Variants in TIMP2 observed in about 807,000 individuals in gnomAD.
TIMP2 encodes TIMP metallopeptidase inhibitor 2, also known as metalloproteinase inhibitor 2.
Under a neutral mutation model 24.3 loss-of-function variants are expected in TIMP2, and 5 were observed. The observed-to-expected ratio is 0.21, with a 90% CI of 0.11 to 0.43. The LOEUF (loss-of-function observed/expected upper bound fraction) is 0.43. TIMP2 is among the 20% of genes least tolerant of loss of function. The pLI is 1.00. For missense variants in TIMP2, 221 were observed against 297.5 expected, an observed-to-expected ratio of 0.74 and a Z score of 1.89; for synonymous variants, 130 against 123.2, an observed-to-expected ratio of 1.06 and a Z score of -0.37.
chr17:78,906,990 T>C (rs992094403), intron 1 of TIMP2, among the ~76,000 whole-genome samples: 4 of 152,212 alleles, frequency 2.6e-5, no homozygotes, highest in Admixed American at 2.6e-4. Flanking sequence ...GCTGTCAGCC[T>C]ACCTTGGCTT....
At chr17:78,890,721 G>T (rs1329098277) in intron 1 of TIMP2, 2 of 1,550,520 alleles carry the variant, frequency 1.3e-6, no homozygotes, top group Non-Finnish European at 1.7e-6. Flanking sequence ...TGTAAGATCT[G>T]CTGCTGCTGG....
rs1283117331 is a variant in TIMP2, at chr17:78,854,841, T to C, written c.*826A>G. 1 of 148,926 alleles carries C rather than the reference T, an allele frequency of 6.7e-6. No homozygotes were observed. Among genetic ancestry groups the C allele is most frequent in the Admixed American group, 6.9e-5 (1 of 14,506 alleles). 9.2% of individuals were successfully genotyped at this position (148,926 alleles called of 1,614,324 possible). A position where few individuals can be genotyped will look rare whatever the true frequency, so the allele number is the denominator to read the frequency against. On this transcript the variant is annotated 3_prime_UTR_variant, in exon 5 of 5. Transcript: ENST00000262768. ...ACCGCAGCAGCTAGGGAAGGGACCT[T>C]GAGGGCAGCCACCGGCCCCGGACAG...
At chr17:78,923,701 C>G (rs2070327272) in intron 1 of TIMP2, among the ~76,000 whole-genome samples, 1 of 152,118 alleles carries the variant, frequency 6.6e-6, no homozygotes, top group Non-Finnish European at 1.5e-5. Context: ...AGGCACACAC[C>G]AAGCCTTCCG....
intron 1 of TIMP2, among the ~76,000 whole-genome samples, chr17:78,875,618 C>T (rs2069721505): frequency 6.6e-6 from 1 of 152,084 alleles, no homozygotes; most frequent in Non-Finnish European, 1.5e-5. Flanking sequence ...CCAAACTCAG[C>T]TCTTCAGGGT....
At chr17:78,878,618 G>A (rs2069750288) in intron 1 of TIMP2, among the ~76,000 whole-genome samples, 1 of 152,138 alleles carries the variant, frequency 6.6e-6, no homozygotes, top group South Asian at 2.1e-4. Flanking sequence ...CTTCTTTAAA[G>A]TGTCAGAAAA....
rs180786759 is a variant in TIMP2 at position 78,920,542 on chromosome 17, C to T, written c.130+4417G>A. 1.6e-4 allele frequency among the ~76,000 whole-genome samples: 25 copies of T among 152,248 alleles called. No individual in the cohort carries two copies. The East Asian group carries it at 4.8e-3, about 29-fold the overall frequency. On this transcript the variant is annotated intron_variant, in intron 1 of 4. Transcript: ENST00000262768. This position sits in a 1 kb window ranked among gnomAD's most constrained non-coding sequence, Gnocchi z 4.5. ...TGGGAGCTGCCAGTAATTCAGGGGT[C>T]AGTGACTCCCCTGACAGATCCTGTC...
rs2069511925 is a variant in TIMP2, at chr17:78,854,923, GGGGGGGGGGGGT to G, written c.*732_*743del. The G allele has an allele frequency of 1.8e-4, 2 of 11,140 alleles. No individual in the cohort carries two copies. Among genetic ancestry groups the G allele is most frequent in the South Asian group, 8.5e-3 (2 of 234 alleles). 0.7% of individuals were successfully genotyped at this position (11,140 alleles called of 1,614,324 possible). On this transcript the variant is annotated 3_prime_UTR_variant, in exon 5 of 5. Transcript: ENST00000262768. ...CTGCAAGCTGGGGAGCATGTGGGCG[GGGGGGGGGGGGT>G]GGGGGGGTGGGTGCAGACCAAAAAG...
At chr17:78,886,531 G>A (rs1053847311) in intron 1 of TIMP2, among the ~76,000 whole-genome samples, 1 of 152,178 alleles carries the variant, frequency 6.6e-6, no homozygotes, top group Non-Finnish European at 1.5e-5. Flanking sequence ...GGCAAGTGCA[G>A]AAACAGCAGG....
intron 3 of TIMP2, among the ~76,000 whole-genome samples, chr17:78,858,895 C>A (rs1314154373): frequency 1.3e-5 from 2 of 152,092 alleles, no homozygotes; most frequent in Admixed American, 1.3e-4. Context: ...GTTGCCCAGG[C>A]TGGTCTTGAA....
intron 1 of TIMP2, among the ~76,000 whole-genome samples, chr17:78,878,258 G>T (rs551945767): frequency 6.6e-6 from 1 of 152,278 alleles, no homozygotes; most frequent in African/African-American, 2.4e-5. Context: ...CCCCTGGATG[G>T]CTGCGTGATC....
intron 3 of TIMP2, among the ~76,000 whole-genome samples, chr17:78,862,220 C>A (rs1182099035): frequency 6.6e-6 from 1 of 152,198 alleles, no homozygotes; most frequent in East Asian, 1.9e-4. Context: ...TCAGGCCATG[C>A]GGTCACTCAC....
chr17:78,897,249 C>A (rs867302622), intron 1 of TIMP2: 1 of 152,396 alleles, frequency 6.6e-6, no homozygotes, highest in African/African-American at 2.4e-5. Flanking sequence ...GCCTGCACCC[C>A]GGCTGCAGGA....
chr17:78,864,986 G>A (rs1395882013), intron 3 of TIMP2, among the ~76,000 whole-genome samples: 2 of 152,058 alleles, frequency 1.3e-5, no homozygotes, highest in African/African-American at 2.4e-5. Flanking sequence ...CCTGGGGGGC[G>A]GAAGTTGCAG....
intron 1 of TIMP2, among the ~76,000 whole-genome samples, chr17:78,888,511 C>T (rs866033064): frequency 2.6e-5 from 4 of 152,124 alleles, no homozygotes; most frequent in East Asian, 1.9e-4. Context: ...CTGGCAGTGG[C>T]GTGATCACAG....
intron 1 of TIMP2, among the ~76,000 whole-genome samples, chr17:78,877,414 A>G (rs575741150): frequency 1.3e-5 from 2 of 152,172 alleles, no homozygotes; most frequent in African/African-American, 4.8e-5. Context: ...CCCCATCTCT[A>G]CAAAAAATAC....
chr17:78,913,548 A>G (rs532950717), intron 1 of TIMP2, among the ~76,000 whole-genome samples: 156 of 152,212 alleles, frequency 1.0e-3, no homozygotes, highest in African/African-American at 3.6e-3. Flanking sequence ...TCGTCTCGAC[A>G]AAAAATGTAA....
chr17:78,880,938 C>G (rs1432961390), intron 1 of TIMP2, among the ~76,000 whole-genome samples: 1 of 152,236 alleles, frequency 6.6e-6, no homozygotes, highest in Non-Finnish European at 1.5e-5. Flanking sequence ...CAGCCTCTCC[C>G]CGGGGCACTC....
intron 3 of TIMP2, among the ~76,000 whole-genome samples, chr17:78,861,661 G>A (rs11656078): frequency 0.036 from 5,375 of 150,818 alleles, 157 homozygotes; most frequent in South Asian, 0.17. Context: ...GGAGTGCAGC[G>A]GTGCCATCTC....
chr17:78,893,405 G>GTGTGCGCATAGAAGTA (rs139652180), intron 1 of TIMP2, among the ~76,000 whole-genome samples: 10 of 128,390 alleles, frequency 7.8e-5, no homozygotes, highest in African/African-American at 3.5e-4. Context: ...ATGCAGGGGT[G>GTGTGCGCATAGAAGTA]TGTGTGCATA....
Sources: gnomAD v4.1 joint callset for allele counts (sites outside exome capture counted in the v4.1 genomes callset) on GRCh38, gnomAD v4.1.1 for gene constraint, Gnocchi (gnomAD v3.1) non-coding constraint, MANE v1.5 for transcripts, NCBI Gene and HGNC (gene_info 2026-07-23, HGNC 2026-07-21) for gene names.